The following CA8 variants were observed in gnomAD, a reference collection of about 807,000 sequenced individuals.
The protein encoded by CA8 is carbonic anhydrase 8 (inactive).
A neutral mutation model predicts 41.4 loss-of-function variants in CA8; 22 were observed. The observed-to-expected ratio is 0.53, with a 90% CI of 0.38 to 0.76. The LOEUF is 0.76. Among genes scored for constraint, CA8 ranks in the 30% least tolerant of loss-of-function variants. CA8 has a pLI of 0.00. For synonymous variants in CA8, 121 were observed against 130.6 expected (o/e 0.93, Z 0.50); for missense variants, 270 against 352.8 (o/e 0.77, Z 1.88).
chr8:60,219,146 T>C (rs147946397), intron 7 of CA8, among the ~76,000 whole-genome samples: 4 of 149,232 alleles, frequency 2.7e-5, no homozygotes, highest in Non-Finnish European at 4.4e-5. Context: ...GGGTGTCTTA[T>C]TTCTTTTGTT....
chr8:60,215,061 C>A (rs1406900896), intron 7 of CA8, among the ~76,000 whole-genome samples: 1 of 152,134 alleles, frequency 6.6e-6, no homozygotes, highest in Non-Finnish European at 1.5e-5. Context: ...TGTATGTGTA[C>A]ATACGTATTT....
intron 8 of CA8, among the ~76,000 whole-genome samples, chr8:60,200,825 A>C (rs1418258185): frequency 6.6e-6 from 1 of 152,226 alleles, no homozygotes; most frequent in Non-Finnish European, 1.5e-5. Context: ...AGCTGGTACA[A>C]ATCAACCAGA....
chr8:60,196,114 ACT>A (rs1359440882), intron 8 of CA8, among the ~76,000 whole-genome samples: 1 of 152,078 alleles, frequency 6.6e-6, no homozygotes, highest in Non-Finnish European at 1.5e-5. Flanking sequence ...TATCTGGAAA[ACT>A]CAAAATAATC....
chr8:60,227,283 ACT>A (rs1240300167), intron 4 of CA8, among the ~76,000 whole-genome samples: 4 of 150,888 alleles, frequency 2.7e-5, no homozygotes, highest in Non-Finnish European at 3.0e-5. Context: ...ACACAGCAAG[ACT>A]CTGTCTCAAA....
Position 60,279,764 on chromosome 8 carries a change from T to C in CA8, c.217A>G (p.Asn73Asp), listed in dbSNP as rs770200174. 5.6e-6 allele frequency: 9 copies of C among 1,614,124 alleles called. No homozygotes were observed. Among genetic ancestry groups the C allele is most frequent in the East Asian group, 2.2e-5 (1 of 44,874 alleles). Reference sequence around the variant, plus strand: ...TCACAGTCTCGGCACACCACATAATTTGGGGAGAGGCGGACATCCAACAGC... The same window carrying C: ...TCACAGTCTCGGCACACCACATAATCTGGGGAGAGGCGGACATCCAACAGC... Reference protein sequence around the residue: ...PSLLDVRLSPNYVVCRDCEVT... With the variant: ...PSLLDVRLSPDYVVCRDCEVT... The change falls in exon 2 of 9, where the codon AAT becomes GAT. Residue 73 changes from asparagine (N) to aspartate (D), a missense_variant. Transcript: ENST00000317995.
chr8:60,261,091 G>T (rs187891770), intron 3 of CA8, among the ~76,000 whole-genome samples: 38 of 151,928 alleles, frequency 2.5e-4, no homozygotes, highest in Non-Finnish European at 1.5e-5. Flanking sequence ...GGAAAGAGAA[G>T]AAGAAATGTG....
Position 60,186,884 on chromosome 8 carries a change from A to C in CA8, c.*3137T>G, listed in dbSNP as rs1174161694. ...TTGAAGGAAGAGATTATTCAACAACAGTCAGAGAATTCAATACACTACTTT... is the reference window on the plus strand; with the variant it reads ...TTGAAGGAAGAGATTATTCAACAACCGTCAGAGAATTCAATACACTACTTT... On this transcript the variant is annotated 3_prime_UTR_variant, in exon 9 of 9. Transcript: ENST00000317995. Among the ~76,000 whole-genome samples, 1 of 152,078 alleles carries C rather than the reference A, an allele frequency of 6.6e-6. No individual in the cohort carries two copies. The highest frequency in any genetic ancestry group is 1.9e-4 in the East Asian group (1 of 5,198).
chr8:60,250,164 A>G (rs1420401830), intron 3 of CA8, among the ~76,000 whole-genome samples: 1 of 152,186 alleles, frequency 6.6e-6, no homozygotes, highest in East Asian at 1.9e-4. Flanking sequence ...TCTTATATTA[A>G]CTCATTTACT....
At chr8:60,240,304 G>C (rs1036777823) in intron 3 of CA8, among the ~76,000 whole-genome samples, 1 of 152,234 alleles carries the variant, frequency 6.6e-6, no homozygotes, top group Non-Finnish European at 1.5e-5. Flanking sequence ...TTTCAAGACA[G>C]TGAAAGGCAC....
chr8:60,197,779 G>T (rs184293503), intron 8 of CA8, among the ~76,000 whole-genome samples: 20 of 152,232 alleles, frequency 1.3e-4, no homozygotes, highest in Admixed American at 1.2e-3. Flanking sequence ...GAAACAAAAA[G>T]CAAACAGAGA....
chr8:60,280,799 G>C (rs1175085008), intron 1 of CA8, among the ~76,000 whole-genome samples: 1 of 152,228 alleles, frequency 6.6e-6, no homozygotes, highest in Non-Finnish European at 1.5e-5. Context: ...AGGTGCGAAC[G>C]CCAGCCCTGC....
chr8:60,274,186 C>G (rs1411484108), intron 2 of CA8, among the ~76,000 whole-genome samples: 2 of 151,666 alleles, frequency 1.3e-5, no homozygotes, highest in African/African-American at 4.8e-5. Flanking sequence ...AGACAGCCCA[C>G]TGTATTTGCA....
intron 7 of CA8, 144 bp from the exon 8 acceptor site, chr8:60,209,063 A>AC: frequency 1.1e-6 from 1 of 925,542 alleles, no homozygotes. Flanking sequence ...AAAAGAAAAA[A>AC]AACAGACTTA....
intron 3 of CA8, chr8:60,265,575 C>T (rs1333706942): frequency 3.6e-6 from 1 of 279,992 alleles, no homozygotes; most frequent in Non-Finnish European, 6.9e-6. Flanking sequence ...GAGGTTTCTC[C>T]AACGGTTGCT....
At position 60,190,957 on chromosome 8, in the gene CA8, T is replaced by TATATATATATATATATATATATATATAC. The variant is rs1554573722; in HGVS notation, c.*36-973_*36-972insGTATATATATATATATATATATATATAT. ...CACACACTATATATATATATATATATACACACACACATTTCTACATATGCA... is the reference window on the plus strand; with the variant it reads ...CACACACTATATATATATATATATATATATATATATATATATATATATATATACACACACACACATTTCTACATATGCA... On this transcript the variant is annotated intron_variant, in intron 8 of 8. Transcript: ENST00000317995. 3.1e-3 allele frequency among the ~76,000 whole-genome samples: 318 copies of TATATATATATATATATATATATATATAC among 103,830 alleles called. 1 individual carries two copies. Among genetic ancestry groups the TATATATATATATATATATATATATATAC allele is most frequent in the African/African-American group, 7.3e-3 (210 of 28,880 alleles). 68.1% of individuals were successfully genotyped at this position (103,830 alleles called of 152,430 possible).
At chr8:60,208,680 T>A (rs1482712694) in intron 8 of CA8, 70 bp downstream of exon 8, 1 of 1,281,116 alleles carries the variant, frequency 7.8e-7, no homozygotes, top group Middle Eastern at 1.8e-4. Flanking sequence ...AGGATCACAA[T>A]AAGTGTACCT....
intron 3 of CA8, among the ~76,000 whole-genome samples, chr8:60,261,713 T>C (rs1309482394): frequency 6.6e-6 from 1 of 152,076 alleles, no homozygotes; most frequent in Non-Finnish European, 1.5e-5. Flanking sequence ...ACTGGAAAAA[T>C]TAAAACTTGA....
intron 3 of CA8, among the ~76,000 whole-genome samples, chr8:60,241,830 TAAAG>T (rs753335633): frequency 2.0e-5 from 3 of 152,148 alleles, no homozygotes; most frequent in South Asian, 2.1e-4. Flanking sequence ...TTTTGTAAAA[TAAAG>T]AAAGCAAAGA....
intron 8 of CA8, among the ~76,000 whole-genome samples, chr8:60,192,970 CA>C (rs1806177584): frequency 2.0e-5 from 3 of 151,578 alleles, no homozygotes; most frequent in Admixed American, 6.6e-5. Flanking sequence ...CACACACACA[CA>C]CACACCCCAC....
Sources: allele counts gnomAD v4.1 joint callset (sites outside exome capture counted in the v4.1 genomes callset), GRCh38; gene constraint gnomAD v4.1.1; transcripts MANE v1.5; gene names NCBI Gene and HGNC (gene_info 2026-07-23, HGNC 2026-07-21).